The following GRIK3 variants were observed in gnomAD, a reference collection of about 807,000 sequenced individuals.
GRIK3 encodes glutamate ionotropic receptor kainate type subunit 3.
Under a neutral mutation model 102.5 loss-of-function variants are expected in GRIK3, and 29 were observed. That is an observed-to-expected ratio of 0.28 (90% CI 0.21 to 0.39). The LOEUF (loss-of-function observed/expected upper bound fraction) is 0.39, where lower values mean the gene tolerates loss of function less well. GRIK3 is among the 10% of genes least tolerant of loss of function. The pLI is 1.00. For synonymous variants in GRIK3, 511 were observed against 504.9 expected, an observed-to-expected ratio of 1.01 and a Z score of -0.16; for missense variants, 908 against 1,252.4, an observed-to-expected ratio of 0.73 and a Z score of 4.15.
chr1:37,001,780 C>T (rs1642478879), intron 1 of GRIK3, among the ~76,000 whole-genome samples: 2 of 152,134 alleles, frequency 1.3e-5, no homozygotes, highest in Admixed American at 1.3e-4. Context: ...TCAGGATACA[C>T]AGGTAGGGGA....
At chr1:36,915,695 G>A (rs1384292268) in intron 1 of GRIK3, among the ~76,000 whole-genome samples, 1 of 152,122 alleles carries the variant, frequency 6.6e-6, no homozygotes, top group Non-Finnish European at 1.5e-5. Context: ...ATAAAGGGGA[G>A]TTTCCCTGAA....
At chr1:36,998,446 T>A (rs1393308923) in intron 1 of GRIK3, among the ~76,000 whole-genome samples, 1 of 152,236 alleles carries the variant, frequency 6.6e-6, no homozygotes, top group African/African-American at 2.4e-5. Context: ...TAGTTGACTC[T>A]GTATCTCTAG....
intron 1 of GRIK3, among the ~76,000 whole-genome samples, chr1:36,915,516 T>A (rs1258407285): frequency 2.6e-5 from 4 of 152,222 alleles, no homozygotes; most frequent in Non-Finnish European, 5.9e-5. Context: ...TAACCAAAGC[T>A]GCTGCCTAGG....
Position 36,916,341 on chromosome 1 carries a change from G to A in GRIK3, c.116-25245C>T, listed in dbSNP as rs1641400433. Among the ~76,000 whole-genome samples the A allele has an allele frequency of 3.3e-5, 5 of 152,160 alleles. No individual in the cohort carries two copies. The South Asian group carries it at 1.0e-3, about 32-fold the overall frequency. On this transcript the variant is annotated intron_variant, in intron 1 of 15. Coordinates refer to ENST00000373091, the MANE Select transcript of GRIK3 (RefSeq NM_000831.4). ...TAAAAGTTTGGAAAATTTGCAGCCT[G>A]ACAACATGATGGAAAAGAAAAACCC...
At chr1:36,840,159 C>T (rs964211783) in intron 10 of GRIK3, among the ~76,000 whole-genome samples, 1 of 151,570 alleles carries the variant, frequency 6.6e-6, no homozygotes, top group Non-Finnish European at 1.5e-5. Flanking sequence ...CCTCAGTCTC[C>T]CTATCTGTAA....
intron 5 of GRIK3, among the ~76,000 whole-genome samples, chr1:36,861,317 G>A (rs960125216): frequency 6.6e-6 from 1 of 152,138 alleles, no homozygotes; most frequent in African/African-American, 2.4e-5. Flanking sequence ...ACTGAGTCTT[G>A]AGGTCACTAT....
intron 1 of GRIK3, among the ~76,000 whole-genome samples, chr1:36,913,681 G>A (rs1641370033): frequency 6.6e-6 from 1 of 152,076 alleles, no homozygotes; most frequent in Admixed American, 6.5e-5. Context: ...TCATCAGGTG[G>A]CAACACCACG....
chr1:36,915,257 T>C (rs558861636), intron 1 of GRIK3, among the ~76,000 whole-genome samples: 125 of 152,180 alleles, frequency 8.2e-4, no homozygotes, highest in Non-Finnish European at 9.7e-4. Flanking sequence ...CTTAAATATC[T>C]ATTTGCTGTC....
chr1:36,938,201 C>T (rs556451323), intron 1 of GRIK3, among the ~76,000 whole-genome samples: 4 of 152,328 alleles, frequency 2.6e-5, no homozygotes, highest in East Asian at 1.9e-4. Flanking sequence ...GGTGGATGGC[C>T]TCCCTAAAGT....
intron 10 of GRIK3, among the ~76,000 whole-genome samples, chr1:36,841,422 A>T (rs1189492581): frequency 1.3e-5 from 2 of 152,216 alleles, no homozygotes; most frequent in Admixed American, 6.5e-5. Context: ...GAAGATACCA[A>T]GAAGCCACAG....
At chr1:37,020,584 G>A (rs1376961702) in intron 1 of GRIK3, among the ~76,000 whole-genome samples, 1 of 151,610 alleles carries the variant, frequency 6.6e-6, no homozygotes, top group Non-Finnish European at 1.5e-5. Context: ...CTGCTCCCTA[G>A]CAGACAAGCC....
intron 11 of GRIK3, among the ~76,000 whole-genome samples, chr1:36,823,192 G>A (rs77455140): frequency 0.019 from 2,818 of 152,238 alleles, 35 homozygotes; most frequent in Non-Finnish European, 0.031. Flanking sequence ...AAAATTAAAC[G>A]GCCAGGCGTG....
intron 13 of GRIK3, among the ~76,000 whole-genome samples, chr1:36,813,695 A>G (rs1642588811): frequency 6.9e-6 from 1 of 144,612 alleles, no homozygotes; most frequent in East Asian, 2.1e-4. Context: ...GTCCAACTAC[A>G]GAGGGCAGAG....
intron 1 of GRIK3, among the ~76,000 whole-genome samples, chr1:36,988,509 G>A (rs1241866395): frequency 6.6e-6 from 1 of 152,256 alleles, no homozygotes; most frequent in Non-Finnish European, 1.5e-5. Context: ...CCGCCGGCCA[G>A]ATGGGCAGCG....
chr1:36,992,025 G>T lies in GRIK3; in HGVS notation c.115+41969C>A, dbSNP rs184479527. Among the ~76,000 whole-genome samples the T allele has an allele frequency of 3.4e-3, 520 of 152,312 alleles. 4 individuals carry two copies. Among genetic ancestry groups the T allele is most frequent in the African/African-American group, 0.011 (478 of 41,566 alleles). ...AGCCTGGCAGTAAAAGAGGACCTGG[G>T]GGGTGGTTCCCAGGAGAAAGCCCGA... On this transcript the variant is annotated intron_variant, in intron 1 of 15. Coordinates refer to ENST00000373091, the MANE Select transcript of GRIK3 (RefSeq NM_000831.4).
At chr1:36,949,676 G>C in intron 1 of GRIK3, among the ~76,000 whole-genome samples, 1 of 148,816 alleles carries the variant, frequency 6.7e-6, no homozygotes, top group East Asian at 2.0e-4. Context: ...CCAGGTTCAG[G>C]TGATTCTCCT....
intron 1 of GRIK3, among the ~76,000 whole-genome samples, chr1:36,998,286 CA>C (rs1380593353): frequency 1.3e-5 from 2 of 152,194 alleles, no homozygotes; most frequent in African/African-American, 2.4e-5. Context: ...CTCTTCCCGT[CA>C]GGTTAAAATA....
chr1:36,859,900 C>G lies in GRIK3; in HGVS notation c.904G>C (p.Glu302Gln). Residue 302 changes from glutamate to glutamine, a missense_variant, in exon 6 of 16, where the codon GAG becomes CAG. Physicochemically the swap from Glu to Gln is conservative, Grantham distance 29. This residue lies in a region of GRIK3 where 585 missense variants were observed against 824.9 expected (regional missense o/e 0.71). Transcript: ENST00000373091. ...VSAIVEKWSM[E>Q]RLQAAPRSES... is the part of the protein sequence containing the mutation. ...GACCGGGGAGCTGCCTGCAGCCGCT[C>G]CATGGACCACTTCTCCACAATGGCC... The G allele has an allele frequency of 6.2e-7, 1 of 1,614,070 alleles. No homozygotes were observed. Among genetic ancestry groups the G allele is most frequent in the Non-Finnish European group, 8.5e-7 (1 of 1,179,928 alleles).
intron 1 of GRIK3, among the ~76,000 whole-genome samples, chr1:36,945,222 A>G (rs1388719809): frequency 6.6e-6 from 1 of 152,276 alleles, no homozygotes; most frequent in Non-Finnish European, 1.5e-5. Flanking sequence ...GGCAGTTTCA[A>G]TTGACTTGTA....
Sources: allele counts gnomAD v4.1 joint callset (sites outside exome capture counted in the v4.1 genomes callset), GRCh38; gene constraint gnomAD v4.1.1; regional missense constraint gnomAD v4.1.1; transcripts MANE v1.5; gene names NCBI Gene and HGNC (gene_info 2026-07-23, HGNC 2026-07-21).